SLC33A1: variants seen among roughly 807,000 people sequenced by gnomAD.
SLC33A1 encodes the protein acetyl-coenzyme A transporter 1.
In SLC33A1, 20 loss-of-function variants were observed where a neutral mutation model predicts 50.0. The observed-to-expected ratio is 0.40, with a 90% CI of 0.28 to 0.58. The LOEUF (loss-of-function observed/expected upper bound fraction) is 0.58. Ranked by LOEUF, SLC33A1 falls within the 20% of genes least tolerant of loss-of-function variation. SLC33A1 has a pLI of 0.44. For synonymous variants in SLC33A1, 265 were observed against 251.8 expected, an observed-to-expected ratio of 1.05 and a Z score of -0.50; for missense variants, 476 against 657.0, an observed-to-expected ratio of 0.72 and a Z score of 3.01.
chr3:155,832,326 T>A (rs1361590119), intron 4 of SLC33A1, among the ~76,000 whole-genome samples: 1 of 151,528 alleles, frequency 6.6e-6, no homozygotes, highest in African/African-American at 2.4e-5. Flanking sequence ...TGCGGTGACC[T>A]GAGATCGTGC....
intron 4 of SLC33A1, among the ~76,000 whole-genome samples, chr3:155,832,372 C>CTT (rs1348407340): frequency 6.6e-6 from 1 of 151,056 alleles, no homozygotes; most frequent in Non-Finnish European, 1.5e-5. Flanking sequence ...GAACAAAACT[C>CTT]TGTCTCAAAA....
Position 155,822,817 on chromosome 3 carries a change from C to T in SLC33A1, c.*5393G>A, listed in dbSNP as rs545580836. The T allele has an allele frequency of 3.9e-5, 6 of 152,242 alleles. No homozygotes were observed. The highest frequency in any genetic ancestry group is 7.2e-5 in the African/African-American group (3 of 41,536). 9.4% of individuals were successfully genotyped at this position (152,242 alleles called of 1,614,324 possible). A position where few individuals can be genotyped will look rare whatever the true frequency, so the allele number is the denominator to read the frequency against. On this transcript the variant is annotated 3_prime_UTR_variant, in exon 6 of 6. Transcript: ENST00000643144. ...TTTAAATATGATCTCTTTCATTACA[C>T]ATTTGGGCAAAATTTTTTTAGAGTA... is the stretch of plus-strand genomic sequence containing the variant.
intron 1 of SLC33A1, chr3:155,844,731 G>C (rs139265146): frequency 9.2e-5 from 14 of 151,834 alleles, no homozygotes; most frequent in South Asian, 2.1e-4. Flanking sequence ...GCCTCCCAAA[G>C]AGCCAGGATC....
At chr3:155,837,843 GAT>G (rs1752750494) in intron 2 of SLC33A1, among the ~76,000 whole-genome samples, 1 of 152,138 alleles carries the variant, frequency 6.6e-6, no homozygotes, top group Non-Finnish European at 1.5e-5. Flanking sequence ...AAAGTTAGGA[GAT>G]ATGTTATTAG....
Position 155,827,504 on chromosome 3 carries a change from G to A in SLC33A1, c.*706C>T, listed in dbSNP as rs1404918956. ...ATCAAAATATCTTCCAAAAAGAGGG[G>A]GTAGGGGCAAGAGGAATCAATAAGT... On this transcript the variant is annotated 3_prime_UTR_variant, in exon 6 of 6. Transcript: ENST00000643144. 6.6e-6 allele frequency: 1 copy of A among 151,926 alleles called. No individual in the cohort carries two copies. Among genetic ancestry groups the A allele is most frequent in the Non-Finnish European group, 1.5e-5 (1 of 67,986 alleles). 9.4% of individuals were successfully genotyped at this position (151,926 alleles called of 1,614,324 possible). A position where few individuals can be genotyped will look rare whatever the true frequency, so the allele number is the denominator to read the frequency against.
At chr3:155,851,966 T>C (rs1753417458) in intron 1 of SLC33A1, among the ~76,000 whole-genome samples, 1 of 152,160 alleles carries the variant, frequency 6.6e-6, no homozygotes, top group African/African-American at 2.4e-5. Flanking sequence ...TACCTGGACA[T>C]TTACTCTACT....
chr3:155,827,968 A>AG lies in SLC33A1; in HGVS notation c.*241dup. The AG allele has an allele frequency of 4.5e-6, 2 of 441,914 alleles. No individual in the cohort carries two copies. The highest frequency in any genetic ancestry group is 5.3e-5 in the South Asian group (2 of 38,030). 27.4% of individuals were successfully genotyped at this position (441,914 alleles called of 1,614,324 possible). On this transcript the variant is annotated 3_prime_UTR_variant, in exon 6 of 6. Coordinates refer to ENST00000643144, the MANE Select transcript of SLC33A1 (RefSeq NM_004733.4). ...TTTAAAAGATATACATCAAATAACAAGGCCAGAAAAGTTGTTTTAGAATTT... is the reference window on the plus strand; with the variant it reads ...TTTAAAAGATATACATCAAATAACAAGGGCCAGAAAAGTTGTTTTAGAATTT...
intron 1 of SLC33A1, among the ~76,000 whole-genome samples, chr3:155,851,271 T>G (rs2108010741): frequency 6.6e-6 from 1 of 152,018 alleles, no homozygotes; most frequent in East Asian, 1.9e-4. Flanking sequence ...TAAGACAGGG[T>G]TGCACTCTGT....
rs57460942 is a variant in SLC33A1 at position 155,836,280 on chromosome 3, C to CAAAAAAAAAAAAAAAAA, written c.964-2256_964-2240dup. Among the ~76,000 whole-genome samples, 7 of 27,170 alleles carry CAAAAAAAAAAAAAAAAA rather than the reference C, an allele frequency of 2.6e-4. 2 individuals are homozygous for CAAAAAAAAAAAAAAAAA. The highest frequency in any genetic ancestry group is 4.4e-4 in the Non-Finnish European group (7 of 15,800). The allele number at this position is 27,170 out of a possible 152,430, so 17.8% of individuals were successfully genotyped here. On this transcript the variant is annotated intron_variant, in intron 2 of 5. Coordinates refer to ENST00000643144, the MANE Select transcript of SLC33A1 (RefSeq NM_004733.4). ...GCCTGGTGACAGAGTGAGACTCTGT[C>CAAAAAAAAAAAAAAAAA]AAAAAAAAAAAAAAAAAAAAAAAAA...
rs1752188182 is a variant in SLC33A1 at position 155,826,057 on chromosome 3, A to G, written c.*2153T>C. 1 of 152,228 alleles carries G rather than the reference A, an allele frequency of 6.6e-6. No individual in the cohort carries two copies. Among genetic ancestry groups the G allele is most frequent in the Admixed American group, 6.5e-5 (1 of 15,278 alleles). 9.4% of individuals were successfully genotyped at this position (152,228 alleles called of 1,614,324 possible). A position where few individuals can be genotyped will look rare whatever the true frequency, so the allele number is the denominator to read the frequency against. On this transcript the variant is annotated 3_prime_UTR_variant, in exon 6 of 6. Transcript: ENST00000643144. ...TCACCTTAAAGGCTTAAAATGTTTT[A>G]AAACTTCAAGTCATTAAAGATGTAC...
intron 4 of SLC33A1, among the ~76,000 whole-genome samples, chr3:155,831,739 T>C (rs931171900): frequency 2.6e-5 from 4 of 152,114 alleles, no homozygotes; most frequent in East Asian, 1.9e-4. Flanking sequence ...TTCTATTACA[T>C]ATCTAGCCTT....
At chr3:155,830,695 T>C (rs1752392592) in intron 4 of SLC33A1, among the ~76,000 whole-genome samples, 1 of 152,090 alleles carries the variant, frequency 6.6e-6, no homozygotes, top group Non-Finnish European at 1.5e-5. Flanking sequence ...TAAATATGTA[T>C]CATATATTGC....
At chr3:155,843,703 A>G (rs550264607) in intron 1 of SLC33A1, among the ~76,000 whole-genome samples, 4 of 152,334 alleles carry the variant, frequency 2.6e-5, no homozygotes, top group African/African-American at 9.6e-5. Context: ...TTACTTCACC[A>G]GCCCAAATTT....
intron 1 of SLC33A1, among the ~76,000 whole-genome samples, chr3:155,848,676 T>A (rs1753277609): frequency 6.6e-6 from 1 of 152,086 alleles, no homozygotes; most frequent in South Asian, 2.1e-4. Flanking sequence ...AGTGAGACTC[T>A]GTCTCAACAA....
At chr3:155,831,096 C>G (rs1752410306) in intron 4 of SLC33A1, among the ~76,000 whole-genome samples, 1 of 152,078 alleles carries the variant, frequency 6.6e-6, no homozygotes, top group Non-Finnish European at 1.5e-5. Context: ...GGGATTTGGG[C>G]ATGATTTATT....
Position 155,853,808 on chromosome 3 carries a change from C to G in SLC33A1, c.190G>C (p.Ala64Pro). The change falls in exon 1 of 6, where the codon GCC (alanine) becomes CCC (proline). Residue 64 changes from alanine (A) to proline (P), a missense_variant. By Grantham distance (27) the Ala-to-Pro change is conservative. Coordinates refer to ENST00000643144, the MANE Select transcript of SLC33A1 (RefSeq NM_004733.4). ...AGTTCGGCCCGGAAGCTCTGTGGGG[C>G]TTTTAAGAAGTCGCCAGTGCCGGTA... is the stretch of plus-strand genomic sequence containing the variant. The part of the protein sequence containing the change: ...GDTGTGDFLK[A>P]PQSFRAELSS... 6.2e-7 allele frequency: 1 copy of G among 1,611,688 alleles called. No homozygotes were observed. Among genetic ancestry groups the G allele is most frequent in the East Asian group, 2.2e-5 (1 of 44,860 alleles).
chr3:155,826,997 TA>T lies in SLC33A1; in HGVS notation c.*1212del, dbSNP rs1365828642. On this transcript the variant is annotated 3_prime_UTR_variant, in exon 6 of 6. Coordinates refer to ENST00000643144, the MANE Select transcript of SLC33A1 (RefSeq NM_004733.4). ...AAAGAACCTTATCACTGGGTGTATG[TA>T]ATACGCTGGGAATTGCTAAAGTACT... 3.9e-5 allele frequency: 6 copies of T among 152,188 alleles called. No homozygotes were observed. Among genetic ancestry groups the T allele is most frequent in the Non-Finnish European group, 8.8e-5 (6 of 68,024 alleles). 9.4% of individuals were successfully genotyped at this position (152,188 alleles called of 1,614,324 possible). A position where few individuals can be genotyped will look rare whatever the true frequency, so the allele number is the denominator to read the frequency against.
At chr3:155,850,902 C>G (rs1287393861) in intron 1 of SLC33A1, among the ~76,000 whole-genome samples, 1 of 151,584 alleles carries the variant, frequency 6.6e-6, no homozygotes, top group Admixed American at 6.6e-5. Flanking sequence ...CAGGCGTGAG[C>G]CACTGCACCA....
At chr3:155,843,696 C>G (rs1172176635) in intron 1 of SLC33A1, among the ~76,000 whole-genome samples, 3 of 151,850 alleles carry the variant, frequency 2.0e-5, no homozygotes, top group African/African-American at 7.3e-5. Flanking sequence ...AGATCCTTTA[C>G]TTCACCAGCC....
Sources: allele counts gnomAD v4.1 joint callset (sites outside exome capture counted in the v4.1 genomes callset), GRCh38; gene constraint gnomAD v4.1.1; transcripts MANE v1.5; gene names NCBI Gene and HGNC (gene_info 2026-07-23, HGNC 2026-07-21).